The following CXADR variants were observed in gnomAD, a reference collection of about 807,000 sequenced individuals.
CXADR encodes the protein CXADR cell adhesion molecule.
In CXADR, 20 loss-of-function variants were observed where a neutral mutation model predicts 40.3. That is an observed-to-expected ratio of 0.50 (90% confidence interval 0.35 to 0.72). CXADR has a LOEUF of 0.72. CXADR is among the 30% of genes least tolerant of loss of function. The pLI, the probability that CXADR is intolerant of heterozygous loss-of-function variation, is 0.01. For missense variants in CXADR, 332 were observed against 449.1 expected, an observed-to-expected ratio of 0.74 and a Z score of 2.36; for synonymous variants, 150 against 161.3, an observed-to-expected ratio of 0.93 and a Z score of 0.53.
chr21:17,599,903 C>A, the CXADR span, among the ~76,000 whole-genome samples: 168 of 152,174 alleles, frequency 1.1e-3, no homozygotes, highest in Non-Finnish European at 1.8e-3. Flanking sequence ...TTTATACTCA[C>A]AAAAATGAGA....
chr21:17,559,422 G>A (rs1055155076), intron 4 of CXADR, among the ~76,000 whole-genome samples: 5 of 150,610 alleles, frequency 3.3e-5, no homozygotes, highest in African/African-American at 9.8e-5. Context: ...TGGGCTCAAG[G>A]AGTCCTCTTT....
downstream of CXADR, among the ~76,000 whole-genome samples, chr21:17,598,175 C>A (rs2061527571): frequency 6.6e-6 from 1 of 151,898 alleles, no homozygotes; most frequent in African/African-American, 2.4e-5. Flanking sequence ...AAAAGGGAGA[C>A]AATGTTTCAG....
chr21:17,596,085 T>C (rs560713372), downstream of CXADR, among the ~76,000 whole-genome samples: 1 of 152,136 alleles, frequency 6.6e-6, no homozygotes, highest in African/African-American at 2.4e-5. Context: ...CCTCCTGCCC[T>C]TTTTTTGAGA....
At position 17,568,372 on chromosome 21, in the gene CXADR, C is replaced by G; in HGVS notation, c.*2680C>G. On this transcript the variant is annotated 3_prime_UTR_variant, in exon 7 of 7. Transcript: ENST00000284878. ...CTCGATCTCCTGACCTCGTGATCTG[C>G]CTGCCTCGGCCTCCCAAAGTGCTGG... 5 of 923,816 alleles carry G rather than the reference C, an allele frequency of 5.4e-6. No individual in the cohort carries two copies. The highest frequency in any genetic ancestry group is 6.5e-6 in the Non-Finnish European group (5 of 774,266). The allele number at this position is 923,816 out of a possible 1,614,324, so 57.2% of individuals were successfully genotyped here. A position where few individuals can be genotyped will look rare whatever the true frequency, so the allele number is the denominator to read the frequency against.
At chr21:17,610,638 C>T in the CXADR span, among the ~76,000 whole-genome samples, 1 of 152,186 alleles carries the variant, frequency 6.6e-6, no homozygotes, top group African/African-American at 2.4e-5. Context: ...TGTCTCTACT[C>T]AGTGAGCTCA....
intron 1 of CXADR, among the ~76,000 whole-genome samples, chr21:17,513,451 G>T (rs576138847): frequency 6.6e-6 from 1 of 152,168 alleles, no homozygotes; most frequent in Non-Finnish European, 1.5e-5. Context: ...GGCGTGTCGG[G>T]TGCGCCTCGC....
chr21:17,579,563 C>T (rs905065193), intron 7 of CXADR, among the ~76,000 whole-genome samples: 8 of 152,136 alleles, frequency 5.3e-5, no homozygotes, highest in Non-Finnish European at 1.0e-4. Flanking sequence ...GGATTACAGG[C>T]GTGAGCCACT....
the CXADR span, among the ~76,000 whole-genome samples, chr21:17,609,477 CTGTG>C: frequency 6.6e-6 from 1 of 152,184 alleles, no homozygotes. Context: ...ATAGATGTTA[CTGTG>C]TGTGTCAATA....
chr21:17,556,386 G>A (rs965372463), intron 3 of CXADR, among the ~76,000 whole-genome samples: 4 of 152,230 alleles, frequency 2.6e-5, no homozygotes, highest in African/African-American at 9.6e-5. Flanking sequence ...TGGACGGGTT[G>A]TAGTGAGGCC....
chr21:17,557,190 C>T (rs1479683079), intron 3 of CXADR, among the ~76,000 whole-genome samples: 1 of 152,166 alleles, frequency 6.6e-6, no homozygotes, highest in Non-Finnish European at 1.5e-5. Context: ...AGATTAAAGT[C>T]AGCCACAGAG....
rs760387888 is a variant in CXADR at position 17,551,946 on chromosome 21, A to T, written c.408A>T (p.Val136=). The change falls in exon 3 of 7, where the codon GTA becomes GTT. Residue 136 remains valine (V), a synonymous_variant. Coordinates refer to ENST00000284878, the MANE Select transcript of CXADR (RefSeq NM_001338.5). ...PGVANKKIHL[V]VLVKPSGARC... ...TTGCAAATAAGAAGATTCATCTGGT[A>T]GTTCTTGGTAAGTTATTTTTATTTG... is the stretch of plus-strand genomic sequence containing the variant. 78 of 1,612,032 alleles carry T rather than the reference A, an allele frequency of 4.8e-5. No homozygotes were observed. The highest frequency in any genetic ancestry group is 9.3e-6 in the Non-Finnish European group (11 of 1,178,348).
At chr21:17,597,078 C>T (rs183463281), downstream of CXADR, among the ~76,000 whole-genome samples, 10 of 152,172 alleles carry the variant, frequency 6.6e-5, no homozygotes, top group African/African-American at 2.4e-4. Flanking sequence ...AAATGTTTTG[C>T]TAATGAGTAT....
chr21:17,569,806 T>G lies in CXADR; in HGVS notation c.*4114T>G, dbSNP rs2123348131. On this transcript the variant is annotated 3_prime_UTR_variant, in exon 7 of 7. Coordinates refer to ENST00000284878, the MANE Select transcript of CXADR (RefSeq NM_001338.5). Reference sequence around the variant, plus strand: ...CAGAACTTTGTGTTTTCTGCTAACTTATTTAATGACACAAGTTTTAAGAGA... The same window carrying G: ...CAGAACTTTGTGTTTTCTGCTAACTGATTTAATGACACAAGTTTTAAGAGA... 3.0e-6 allele frequency: 3 copies of G among 985,432 alleles called. No individual in the cohort carries two copies. The highest frequency in any genetic ancestry group is 1.7e-5 in the African/African-American group (1 of 57,378). The allele number at this position is 985,432 out of a possible 1,614,324, so 61.0% of individuals were successfully genotyped here.
chr21:17,636,236 CA>C, the CXADR span, among the ~76,000 whole-genome samples: 1 of 152,138 alleles, frequency 6.6e-6, no homozygotes, highest in Non-Finnish European at 1.5e-5. Context: ...TGTGAATAAA[CA>C]GAGATTTATG....
downstream of CXADR, chr21:17,594,440 T>A (rs1394177631): frequency 3.9e-6 from 5 of 1,293,666 alleles, no homozygotes; most frequent in Non-Finnish European, 5.3e-6. Context: ...TGAGATCACA[T>A]CTAAGTGACA....
At chr21:17,602,592 G>A in the CXADR span, among the ~76,000 whole-genome samples, 1 of 152,024 alleles carries the variant, frequency 6.6e-6, no homozygotes, top group Non-Finnish European at 1.5e-5. Flanking sequence ...GTTATTGAAT[G>A]AACACCTGAC....
At chr21:17,517,090 C>T (rs2060471456) in intron 1 of CXADR, among the ~76,000 whole-genome samples, 1 of 151,972 alleles carries the variant, frequency 6.6e-6, no homozygotes, top group Non-Finnish European at 1.5e-5. Flanking sequence ...AATAAAGGTA[C>T]CTAGCTTGAC....
downstream of CXADR, among the ~76,000 whole-genome samples, chr21:17,574,782 C>T (rs1271345384): frequency 6.6e-6 from 1 of 152,040 alleles, no homozygotes; most frequent in Admixed American, 6.6e-5. Flanking sequence ...CAGTTTTGAA[C>T]ATGTTGAGTT....
intron 2 of CXADR, among the ~76,000 whole-genome samples, chr21:17,548,743 G>A (rs1206792437): frequency 6.6e-6 from 1 of 152,242 alleles, no homozygotes; most frequent in Non-Finnish European, 1.5e-5. Flanking sequence ...TAGCGTGTCT[G>A]TTAATGAGAA....
Sources: allele counts gnomAD v4.1 joint callset (sites outside exome capture counted in the v4.1 genomes callset), GRCh38; gene constraint gnomAD v4.1.1; transcripts MANE v1.5; gene names NCBI Gene and HGNC (gene_info 2026-07-23, HGNC 2026-07-21).